Variants in SGSM1 observed in about 807,000 individuals in gnomAD.
SGSM1 encodes the protein small G protein signaling modulator 1, also known as RUN and TBC1 domain containing 2.
Under a neutral mutation model 133.8 loss-of-function variants are expected in SGSM1, and 73 were observed. The observed-to-expected ratio is 0.55, with a 90% CI of 0.45 to 0.66. The LOEUF (loss-of-function observed/expected upper bound fraction) is 0.66, where lower values mean the gene tolerates loss of function less well. Among genes scored for constraint, SGSM1 ranks in the 30% least tolerant of loss-of-function variants. The pLI is 0.00. For synonymous variants in SGSM1, 563 were observed against 573.0 expected (o/e 0.98, Z 0.25); for missense variants, 1,213 against 1,448.1 (o/e 0.84, Z 2.64).
chr22:24,888,652 G>A (rs541041078), intron 16 of SGSM1, among the ~76,000 whole-genome samples: 75 of 152,112 alleles, frequency 4.9e-4, no homozygotes, highest in African/African-American at 1.7e-3. Flanking sequence ...GGTGGCGGGC[G>A]CCTGTAGTCC....
intron 4 of SGSM1, among the ~76,000 whole-genome samples, chr22:24,849,082 C>G (rs889914943): frequency 4.6e-5 from 7 of 152,160 alleles, no homozygotes; most frequent in African/African-American, 7.2e-5. Context: ...TTAGAGATGC[C>G]TGTGCAAGTG....
intron 9 of SGSM1, 126 bp from the exon 10 acceptor site, chr22:24,866,967 C>A: frequency 1.2e-6 from 1 of 840,826 alleles, no homozygotes; most frequent in South Asian, 1.5e-5. Flanking sequence ...CAGGCTGGGA[C>A]ACAGATGCTG....
chr22:24,888,453 TGAA>T (rs1357244872), intron 16 of SGSM1, among the ~76,000 whole-genome samples: 1 of 152,138 alleles, frequency 6.6e-6, no homozygotes, highest in East Asian at 1.9e-4. Context: ...CTTCCTCCAT[TGAA>T]TTGCTCTTGC....
intron 2 of SGSM1, among the ~76,000 whole-genome samples, chr22:24,817,703 C>T (rs943935545): frequency 3.5e-5 from 3 of 85,388 alleles, no homozygotes; most frequent in African/African-American, 8.8e-5. Flanking sequence ...AACCCAAATA[C>T]CCAAGTACGG....
intron 2 of SGSM1, among the ~76,000 whole-genome samples, chr22:24,837,578 ACCC>A (rs71189302): frequency 0.01 from 528 of 51,906 alleles, 28 homozygotes; most frequent in African/African-American, 0.058. Flanking sequence ...GGAAAGGGAG[ACCC>A]CCCCCCCCCC....
intron 5 of SGSM1, among the ~76,000 whole-genome samples, chr22:24,851,069 C>T (rs1930428059): frequency 6.8e-6 from 1 of 146,658 alleles, no homozygotes; most frequent in Non-Finnish European, 1.5e-5. Context: ...CCACTGCACT[C>T]CAGTCTGGGC....
chr22:24,877,537 T>G (rs1328261802), intron 13 of SGSM1, among the ~76,000 whole-genome samples: 1 of 152,074 alleles, frequency 6.6e-6, no homozygotes, highest in East Asian at 1.9e-4. Context: ...TAGAACCCTT[T>G]TGTCCTTGCG....
chr22:24,818,921 C>T (rs1438293955), intron 2 of SGSM1, among the ~76,000 whole-genome samples: 5 of 151,798 alleles, frequency 3.3e-5, no homozygotes, highest in South Asian at 4.2e-4. Context: ...CCGAGGCGGG[C>T]GGATCATGAG....
At chr22:24,843,927 C>T (rs1929942231) in intron 2 of SGSM1, 1 of 152,238 alleles carries the variant, frequency 6.6e-6, no homozygotes, top group Admixed American at 6.5e-5. Context: ...GCTGAGCATC[C>T]ATTTCCCAAA....
intron 5 of SGSM1, among the ~76,000 whole-genome samples, chr22:24,853,769 A>ATTTTTTTT (rs57736929): frequency 5.7e-5 from 7 of 123,450 alleles, no homozygotes; most frequent in East Asian, 2.3e-4. Context: ...CGCCTGGTGA[A>ATTTTTTTT]TTTTTTTTTT....
At chr22:24,899,864 C>G (rs1223096931) in intron 19 of SGSM1, among the ~76,000 whole-genome samples, 1 of 152,042 alleles carries the variant, frequency 6.6e-6, no homozygotes, top group Non-Finnish European at 1.5e-5. Flanking sequence ...GTGCTGAATT[C>G]TGGATTGTTT....
At chr22:24,921,641 C>T (rs565668469) in intron 24 of SGSM1, among the ~76,000 whole-genome samples, 99 of 151,946 alleles carry the variant, frequency 6.5e-4, no homozygotes, top group African/African-American at 2.0e-3. Context: ...AAGTCCAAAC[C>T]GCTTAATAAG....
intron 23 of SGSM1, among the ~76,000 whole-genome samples, chr22:24,918,444 C>G (rs1409419198): frequency 6.8e-6 from 1 of 147,556 alleles, no homozygotes; most frequent in African/African-American, 2.5e-5. Flanking sequence ...TGCAGTGAGC[C>G]GAGATAACAC....
intron 2 of SGSM1, chr22:24,844,663 G>C: frequency 1.9e-6 from 1 of 528,698 alleles, no homozygotes; most frequent in Non-Finnish European, 3.4e-6. Context: ...AGAAGCAGCA[G>C]CCTGCTGTGT....
chr22:24,846,639 C>T (rs1398714796), intron 3 of SGSM1, among the ~76,000 whole-genome samples: 1 of 152,076 alleles, frequency 6.6e-6, no homozygotes, highest in East Asian at 1.9e-4. Context: ...TTTCTTTTGT[C>T]CATTGTTTCT....
chr22:24,836,642 A>G (rs1929447121), intron 2 of SGSM1, among the ~76,000 whole-genome samples: 2 of 152,164 alleles, frequency 1.3e-5, no homozygotes, highest in Admixed American at 6.5e-5. Flanking sequence ...AGCCATCCTA[A>G]TAGGTGTGAG....
In SGSM1 at chr22:24,925,385, T is replaced by C. The variant is rs1934166126; in HGVS notation, c.*1111T>C. On this transcript the variant is annotated 3_prime_UTR_variant, in exon 25 of 25. Coordinates refer to ENST00000400358, the MANE Select transcript of SGSM1 (RefSeq NM_001098497.3). ...AAAAAAAAGAAAAGGCACACAAGAG[T>C]CCCTCACACATCTCTCTTGGAGTCT... 1 of 150,930 alleles carries C rather than the reference T, an allele frequency of 6.6e-6. No homozygotes were observed. Among genetic ancestry groups the C allele is most frequent in the Non-Finnish European group, 1.5e-5 (1 of 67,754 alleles). The allele number at this position is 150,930 out of a possible 1,614,324, so 9.3% of individuals were successfully genotyped here.
At chr22:24,899,550 T>C (rs1203598191) in intron 19 of SGSM1, among the ~76,000 whole-genome samples, 1 of 149,354 alleles carries the variant, frequency 6.7e-6, no homozygotes, top group Non-Finnish European at 1.5e-5. Flanking sequence ...TGAGACAGGG[T>C]CTCGCTCTGT....
rs183153305 is a variant in SGSM1 at position 24,865,905 on chromosome 22, G to A, written c.927-1188G>A. 3.0e-3 allele frequency among the ~76,000 whole-genome samples: 460 copies of A among 151,686 alleles called. 6 individuals are homozygous for A. The highest frequency in any genetic ancestry group is 2.1e-3 in the East Asian group (11 of 5,180). ...AGTTCCTTGTCTTGCAGGAATGGGC[G>A]GCACTAGTACCCCGGCCTGCTAGGT... On this transcript the variant is annotated intron_variant, in intron 9 of 24. Coordinates refer to ENST00000400358, the MANE Select transcript of SGSM1 (RefSeq NM_001098497.3).
Sources: gnomAD v4.1 joint callset for allele counts (sites outside exome capture counted in the v4.1 genomes callset) on GRCh38, gnomAD v4.1.1 for gene constraint, MANE v1.5 for transcripts, NCBI Gene and HGNC (gene_info 2026-07-23, HGNC 2026-07-21) for gene names.